The following TRIOBP variants were observed in gnomAD, a reference collection of about 807,000 sequenced individuals.
TRIOBP encodes TRIO and F-actin binding protein.
Under a neutral mutation model 238.8 loss-of-function variants are expected in TRIOBP, and 169 were observed. The ratio of observed to expected loss-of-function variants is 0.71; its 90% CI spans 0.62 to 0.80. The LOEUF (loss-of-function observed/expected upper bound fraction) is 0.80, where lower values mean the gene tolerates loss of function less well. Among genes scored for constraint, TRIOBP ranks in the 30% least tolerant of loss-of-function variants. TRIOBP has a pLI of 0.00. For synonymous variants in TRIOBP, 1,150 were observed against 1,274.4 expected, an observed-to-expected ratio of 0.90 and a Z score of 2.08; for missense variants, 2,838 against 3,122.6, an observed-to-expected ratio of 0.91 and a Z score of 2.17.
chr22:37,709,410 G>A (rs934608946), intron 3 of TRIOBP, among the ~76,000 whole-genome samples: 5 of 152,218 alleles, frequency 3.3e-5, no homozygotes, highest in African/African-American at 1.2e-4. Flanking sequence ...TGTAATGAGG[G>A]GCCCCTGCTC....
intron 11 of TRIOBP, among the ~76,000 whole-genome samples, chr22:37,745,307 A>G (rs928914217): frequency 6.6e-6 from 1 of 152,084 alleles, no homozygotes; most frequent in Non-Finnish European, 1.5e-5. Context: ...TTAACACTTA[A>G]TCCTTCCAGC....
At chr22:37,751,732 C>T in intron 11 of TRIOBP, 40 bp from the exon 12 acceptor site, 1 of 1,612,836 alleles carries the variant, frequency 6.2e-7, no homozygotes, top group Non-Finnish European at 8.5e-7. Context: ...CATTGGCTTC[C>T]TGCTGGACCC....
At chr22:37,726,972 T>A (rs1281716658) in intron 7 of TRIOBP, among the ~76,000 whole-genome samples, 2 of 151,604 alleles carry the variant, frequency 1.3e-5, no homozygotes, top group Admixed American at 1.3e-4. Context: ...AATGGTGCAA[T>A]CTCGGCTCAC....
intron 7 of TRIOBP, among the ~76,000 whole-genome samples, chr22:37,729,883 C>T (rs76061863): frequency 6.6e-6 from 1 of 152,188 alleles, no homozygotes; most frequent in Admixed American, 6.5e-5. Context: ...AAGGGACAGA[C>T]TGGAGCTTAT....
intron 21 of TRIOBP, among the ~76,000 whole-genome samples, chr22:37,770,646 G>T (rs1926728959): frequency 6.6e-6 from 1 of 151,748 alleles, no homozygotes. Context: ...CAAAGTGTTG[G>T]GATTACAGGC....
intron 4 of TRIOBP, among the ~76,000 whole-genome samples, chr22:37,711,894 A>ACTTC (rs540132785): frequency 1.4e-3 from 214 of 152,230 alleles, no homozygotes; most frequent in African/African-American, 4.7e-3. Context: ...TGAGCCTGTG[A>ACTTC]CTTCTTTTAA....
At chr22:37,711,639 AAAAC>A (rs1040238917) in intron 4 of TRIOBP, among the ~76,000 whole-genome samples, 2 of 152,122 alleles carry the variant, frequency 1.3e-5, no homozygotes, top group Non-Finnish European at 2.9e-5. Context: ...AACGAAAAAA[AAAAC>A]AAAGACAGCT....
At chr22:37,705,947 G>A (rs947992332) in intron 3 of TRIOBP, among the ~76,000 whole-genome samples, 2 of 152,130 alleles carry the variant, frequency 1.3e-5, no homozygotes, top group East Asian at 3.9e-4. Context: ...TCTGATTGCT[G>A]GGCAGAGAGA....
Position 37,733,550 on chromosome 22 carries a change from C to T in TRIOBP, c.4062+138C>T, listed in dbSNP as rs1601638516. 4 of 677,436 alleles carry T rather than the reference C, an allele frequency of 5.9e-6. No individual in the cohort carries two copies. The East Asian group carries it at 8.2e-5, about 14-fold the overall frequency. The allele number at this position is 677,436 out of a possible 1,614,324, so 42.0% of individuals were successfully genotyped here. ...TCGGAGTCCAATCATGGGGATCCAGCTCTCCCCTCTCCCCAACGGCCAGCA... is the reference window on the plus strand; with the variant it reads ...TCGGAGTCCAATCATGGGGATCCAGTTCTCCCCTCTCCCCAACGGCCAGCA... On this transcript the variant is annotated intron_variant, in intron 8 of 23. Coordinates refer to ENST00000644935, the MANE Select transcript of TRIOBP (RefSeq NM_001039141.3).
intron 7 of TRIOBP, among the ~76,000 whole-genome samples, chr22:37,732,235 G>T (rs1255178524): frequency 1.3e-5 from 2 of 151,860 alleles, no homozygotes; most frequent in Non-Finnish European, 2.9e-5. Flanking sequence ...ATCATTAACA[G>T]CCATGCCTCC....
chr22:37,741,178 A>G, intron 11 of TRIOBP, 146 bp downstream of exon 11: 2 of 1,149,962 alleles, frequency 1.7e-6, no homozygotes, highest in Non-Finnish European at 2.4e-6. Flanking sequence ...AGGTGGGAGC[A>G]GAGCTCTTAA....
At chr22:37,706,057 A>G (rs115529309) in intron 3 of TRIOBP, among the ~76,000 whole-genome samples, 1,550 of 152,172 alleles carry the variant, frequency 0.01, 25 homozygotes, top group African/African-American at 0.036. Context: ...GATGGAGGCA[A>G]ATGGACACAT....
chr22:37,744,289 C>G (rs1031984291), intron 11 of TRIOBP, among the ~76,000 whole-genome samples: 4 of 151,984 alleles, frequency 2.6e-5, no homozygotes, highest in Non-Finnish European at 4.4e-5. Context: ...AGATTACAGG[C>G]ATAAACCACC....
At chr22:37,744,958 C>A (rs777417048) in intron 11 of TRIOBP, among the ~76,000 whole-genome samples, 5 of 152,112 alleles carry the variant, frequency 3.3e-5, no homozygotes, top group African/African-American at 7.2e-5. Flanking sequence ...CTCTGCCTCC[C>A]GGGTTCAAGC....
chr22:37,718,576 G>A (rs1923658774), intron 6 of TRIOBP, among the ~76,000 whole-genome samples: 1 of 152,100 alleles, frequency 6.6e-6, no homozygotes, highest in South Asian at 2.1e-4. Flanking sequence ...GGATGCTGGG[G>A]TGGGCACAGA....
intron 4 of TRIOBP, among the ~76,000 whole-genome samples, chr22:37,711,271 AAAAC>A (rs1436192820): frequency 5.3e-5 from 8 of 152,306 alleles, no homozygotes; most frequent in Admixed American, 2.0e-4. Flanking sequence ...TAGGCATATT[AAAAC>A]AAACAAACAA....
At chr22:37,745,411 C>T (rs1272401416) in intron 11 of TRIOBP, among the ~76,000 whole-genome samples, 1 of 151,886 alleles carries the variant, frequency 6.6e-6, no homozygotes, top group Non-Finnish European at 1.5e-5. Flanking sequence ...GCTGGAATCC[C>T]CGTGCCACAC....
chr22:37,743,842 T>TGC (rs1555898394), intron 11 of TRIOBP, among the ~76,000 whole-genome samples: 11 of 115,186 alleles, frequency 9.5e-5, no homozygotes, highest in South Asian at 5.8e-4. Flanking sequence ...TGTGTGTGTG[T>TGC]GTGCTGGGTG....
intron 2 of TRIOBP, among the ~76,000 whole-genome samples, chr22:37,698,181 T>C (rs778467142): frequency 1.1e-4 from 12 of 113,466 alleles, no homozygotes; most frequent in South Asian, 3.0e-4. Context: ...GCCTGGGTGA[T>C]AGACCGAGAT....
Sources: allele counts gnomAD v4.1 joint callset (sites outside exome capture counted in the v4.1 genomes callset), GRCh38; gene constraint gnomAD v4.1.1; transcripts MANE v1.5; gene names NCBI Gene and HGNC (gene_info 2026-07-23, HGNC 2026-07-21).